Variants in TMEM131 observed in about 807,000 individuals in gnomAD.
TMEM131 encodes the protein transmembrane protein 131.
In TMEM131, 66 loss-of-function variants were observed where a neutral mutation model predicts 211.6. The observed-to-expected ratio is 0.31, with a 90% CI of 0.26 to 0.38. The LOEUF is 0.38. Ranked by LOEUF, TMEM131 falls within the 10% of genes least tolerant of loss-of-function variation. TMEM131 has a pLI of 1.00. For synonymous variants in TMEM131, 844 were observed against 841.3 expected (o/e 1.00, Z -0.06); for missense variants, 2,036 against 2,299.3 (o/e 0.89, Z 2.34).
intron 31 of TMEM131, among the ~76,000 whole-genome samples, chr2:97,780,739 T>A (rs1679955224): frequency 6.6e-6 from 1 of 152,056 alleles, no homozygotes; most frequent in Non-Finnish European, 1.5e-5. Flanking sequence ...CAATGAACAG[T>A]GGGGAAGGCA....
chr2:97,839,692 T>C (rs1683104482), intron 7 of TMEM131, among the ~76,000 whole-genome samples: 1 of 152,248 alleles, frequency 6.6e-6, no homozygotes, highest in African/African-American at 2.4e-5. Flanking sequence ...GAGGAAGGGC[T>C]TGGACTGCAA....
At position 97,844,236 on chromosome 2, in the gene TMEM131, G is replaced by T; in HGVS notation, c.509C>A (p.Ser170Ter). 7.6e-7 allele frequency: 1 copy of T among 1,319,298 alleles called. No individual in the cohort carries two copies. The highest frequency in any genetic ancestry group is 1.9e-5 in the South Asian group (1 of 51,282). 81.7% of individuals were successfully genotyped at this position (1,319,298 alleles called of 1,614,324 possible). The change falls in exon 6 of 41, where the codon TCA (serine) becomes TAA (stop). Residue 170 changes from serine to a stop codon, truncating the protein, a stop_gained. Coordinates refer to ENST00000186436, the MANE Select transcript of TMEM131 (RefSeq NM_015348.2). LOFTEE classifies it high-confidence loss of function. ...NRKILPGGNT[S>*]FDVVFLARVV... is the part of the protein sequence containing the mutation. Reference sequence around the variant, plus strand: ...TCTTGCAAGAAAAACTACATCAAATGATGTATTTCCTCCTGGAAGAATTTT... The same window carrying T: ...TCTTGCAAGAAAAACTACATCAAATTATGTATTTCCTCCTGGAAGAATTTT...
intron 33 of TMEM131, 35 bp downstream of exon 33, chr2:97,772,262 T>C (rs770691891): frequency 2.5e-6 from 4 of 1,579,988 alleles, no homozygotes; most frequent in Non-Finnish European, 2.6e-6. Flanking sequence ...AACTTCTTTA[T>C]AGACCTTATT....
At chr2:97,921,696 C>T (rs966227746) in intron 2 of TMEM131, among the ~76,000 whole-genome samples, 14 of 152,060 alleles carry the variant, frequency 9.2e-5, no homozygotes, top group African/African-American at 3.4e-4. Flanking sequence ...TAAAGAACCT[C>T]TACAAAACAA....
intron 1 of TMEM131, among the ~76,000 whole-genome samples, chr2:97,951,779 T>A (rs1299729562): frequency 1.3e-5 from 2 of 152,108 alleles, no homozygotes; most frequent in East Asian, 1.9e-4. Flanking sequence ...AGTCCTAACG[T>A]CCCCTAGCCA....
chr2:97,804,603 C>A (rs1158867225), intron 22 of TMEM131, among the ~76,000 whole-genome samples: 1 of 122,342 alleles, frequency 8.2e-6, no homozygotes, highest in African/African-American at 3.2e-5. Context: ...AGCTTGGTGA[C>A]AGAGTGAGAC....
At chr2:97,851,911 A>T (rs1673640804) in intron 5 of TMEM131, among the ~76,000 whole-genome samples, 1 of 152,194 alleles carries the variant, frequency 6.6e-6, no homozygotes, top group Non-Finnish European at 1.5e-5. Flanking sequence ...AGGGTTGCAC[A>T]TCTCTCACTT....
Position 97,943,037 on chromosome 2 carries a change from AAAAGAAAGAAAGAAAGAAAG to A in TMEM131, c.188-15570_188-15551del, listed in dbSNP as rs71394401. 2.3e-3 allele frequency among the ~76,000 whole-genome samples: 155 copies of A among 65,992 alleles called. 1 individual carries two copies. Among genetic ancestry groups the A allele is most frequent in the Admixed American group, 0.012 (91 of 7,522 alleles). 43.3% of individuals were successfully genotyped at this position (65,992 alleles called of 152,430 possible). ...AAAAGAAAAGAAAAGAAAAGAAAAG[AAAAGAAAGAAAGAAAGAAAG>A]AAAGAAAGAAAGAAAGAAAGAAAGA... On this transcript the variant is annotated intron_variant, in intron 1 of 40. Coordinates refer to ENST00000186436, the MANE Select transcript of TMEM131 (RefSeq NM_015348.2).
At position 97,812,406 on chromosome 2, in the gene TMEM131, A is replaced by G. The variant is rs1681588445; in HGVS notation, c.1863+15T>C. The G allele has an allele frequency of 6.3e-7, 1 of 1,594,496 alleles. No homozygotes were observed. Among genetic ancestry groups the G allele is most frequent in the South Asian group, 1.2e-5 (1 of 86,906 alleles). On this transcript the variant is annotated intron_variant, in intron 17 of 40. Coordinates refer to ENST00000186436, the MANE Select transcript of TMEM131 (RefSeq NM_015348.2). ...ATCCATCTTACTTTAAGGAGACAAT[A>G]GAAAGTTTACTTACCGATGATTGAT...
At position 97,757,445 on chromosome 2, in the gene TMEM131, G is replaced by C. The variant is rs183806638; in HGVS notation, c.5368-62C>G. The stretch of plus-strand genomic sequence containing the variant: ...GCAGGCAGAGGGTCAAGTGGGTAAG[G>C]GGGTAAGGCTACAGAAAAGATGAGG... On this transcript the variant is annotated intron_variant, in intron 40 of 40. Transcript: ENST00000186436. The C allele has an allele frequency of 5.2e-3, 7,868 of 1,508,536 alleles. 28 individuals are homozygous for C. Among genetic ancestry groups the C allele is most frequent in the Middle Eastern group, 0.017 (72 of 4,298 alleles). The allele number at this position is 1,508,536 out of a possible 1,614,324, so 93.4% of individuals were successfully genotyped here.
rs1423770537 is a variant in TMEM131, at chr2:97,805,678, T to C, written c.2081A>G (p.Asn694Ser). ...FPGKIVHQSL[N>S]IMNSFSQKVK... The stretch of plus-strand genomic sequence containing the variant: ...CTTCTGTGAGAAGGAATTCATAATA[T>C]TTAAACTTTGATGAACTATTTTCCC... The change falls in exon 20 of 41, where the codon AAT becomes AGT. Residue 694 changes from asparagine to serine, a missense_variant. Transcript: ENST00000186436. The C allele has an allele frequency of 4.8e-5, 77 of 1,600,536 alleles. 1 individual carries two copies. The Admixed American group carries it at 1.2e-3, about 25-fold the overall frequency.
rs185796694 is a variant in TMEM131 at position 97,903,311 on chromosome 2, T to C, written c.290+5347A>G. 1.7e-4 allele frequency among the ~76,000 whole-genome samples: 26 copies of C among 152,198 alleles called. No homozygotes were observed. The East Asian group carries it at 3.5e-3, about 20-fold the overall frequency. On this transcript the variant is annotated intron_variant, in intron 3 of 40. Coordinates refer to ENST00000186436, the MANE Select transcript of TMEM131 (RefSeq NM_015348.2). ...GATTTTTTTATGACAGCGCAAATGA[T>C]GGTGAAATACCTGGATAAAAATGAA...
rs1167798266 is a variant in TMEM131 at position 97,766,250 on chromosome 2, T to C, written c.4587A>G (p.Leu1529=). ...NAQKTKGTSK[L]VDNRPPALAK... ...CTAGGGCAGGTGGTCTGTTATCCAC[T>C]AACTTACTTGTACCTGCACAAAAAT... is the stretch of plus-strand genomic sequence containing the variant. Residue 1529 remains leucine, a synonymous_variant, in exon 35 of 41, where the codon TTA becomes TTG. Coordinates refer to ENST00000186436, the MANE Select transcript of TMEM131 (RefSeq NM_015348.2). 5.0e-6 allele frequency: 8 copies of C among 1,613,944 alleles called. No homozygotes were observed. The highest frequency in any genetic ancestry group is 3.3e-5 in the Admixed American group (2 of 60,004).
chr2:97,833,411 A>G lies in TMEM131; in HGVS notation c.1028T>C (p.Leu343Ser). 7.4e-7 allele frequency: 1 copy of G among 1,353,034 alleles called. No homozygotes were observed. Among genetic ancestry groups the G allele is most frequent in the Non-Finnish European group, 1.0e-6 (1 of 975,604 alleles). 83.8% of individuals were successfully genotyped at this position (1,353,034 alleles called of 1,614,324 possible). A position where few individuals can be genotyped will look rare whatever the true frequency, so the allele number is the denominator to read the frequency against. Residue 343 changes from leucine (L) to serine (S), a missense_variant, in exon 11 of 41, where the codon TTA becomes TCA. By Grantham distance (145) the Leu-to-Ser change is moderately radical. Coordinates refer to ENST00000186436, the MANE Select transcript of TMEM131 (RefSeq NM_015348.2). ...TCCTGAATTTAATAAATGAAGGTTTAAAACTTTTGGTAGATCTGTTAAAAT... is the reference window on the plus strand; with the variant it reads ...TCCTGAATTTAATAAATGAAGGTTTGAAACTTTTGGTAGATCTGTTAAAAT... ...TLRTQDLPKV[L>S]NLHLLNSGTK... is the part of the protein sequence containing the mutation.
At chr2:97,881,829 T>C (rs558903898) in intron 4 of TMEM131, among the ~76,000 whole-genome samples, 4 of 152,018 alleles carry the variant, frequency 2.6e-5, no homozygotes, top group South Asian at 2.1e-4. Context: ...ATAACATTCA[T>C]GTTAAAAAGA....
At position 97,994,994 on chromosome 2, in the gene TMEM131, G is replaced by A. The variant is rs144160087; in HGVS notation, c.187+482C>T. 3.4e-3 allele frequency among the ~76,000 whole-genome samples: 512 copies of A among 152,312 alleles called. 2 individuals carry two copies. Among genetic ancestry groups the A allele is most frequent in the African/African-American group, 0.011 (478 of 41,570 alleles). On this transcript the variant is annotated intron_variant, in intron 1 of 40. Coordinates refer to ENST00000186436, the MANE Select transcript of TMEM131 (RefSeq NM_015348.2). ...ATAATAAAGTTATCAATAACGCAGA[G>A]ACACTAAAGGAGGAAGCTACAGGAC...
chr2:97,805,080 C>T lies in TMEM131; in HGVS notation c.2402+8G>A. 2 of 1,576,422 alleles carry T rather than the reference C, an allele frequency of 1.3e-6. No individual in the cohort carries two copies. Among genetic ancestry groups the T allele is most frequent in the Non-Finnish European group, 1.7e-6 (2 of 1,156,808 alleles). ...GATGGCTAAAATAAATAAACATAAA[C>T]CACTCACCTATGACCTGAATTTTCC... is the stretch of plus-strand genomic sequence containing the variant. On this transcript the variant is annotated splice_region_variant and intron_variant, in intron 22 of 40. Transcript: ENST00000186436.
chr2:97,889,546 TATATA>T lies in TMEM131; in HGVS notation c.291-1431_291-1427del, dbSNP rs1675293749. ...GGCATAACTGTATGTCATTAATTCCTATATAATATTATATTCCTATATATAATATA... is the reference window on the plus strand; with the variant it reads ...GGCATAACTGTATGTCATTAATTCCTATATTATATTCCTATATATAATATA... On this transcript the variant is annotated intron_variant, in intron 3 of 40. Coordinates refer to ENST00000186436, the MANE Select transcript of TMEM131 (RefSeq NM_015348.2). 2.3e-5 allele frequency among the ~76,000 whole-genome samples: 3 copies of T among 132,116 alleles called. 1 individual carries two copies. Among genetic ancestry groups the T allele is most frequent in the Admixed American group, 2.2e-4 (3 of 13,710 alleles). The allele number at this position is 132,116 out of a possible 152,430, so 86.7% of individuals were successfully genotyped here. A position where few individuals can be genotyped will look rare whatever the true frequency, so the allele number is the denominator to read the frequency against.
At position 97,949,947 on chromosome 2, in the gene TMEM131, G is replaced by T. The variant is rs189490759; in HGVS notation, c.188-22460C>A. Among the ~76,000 whole-genome samples, 3 of 151,942 alleles carry T rather than the reference G, an allele frequency of 2.0e-5. No individual in the cohort carries two copies. The East Asian group carries it at 5.8e-4, about 29-fold the overall frequency. ...ATCATCTCACATCAACTACATGAAG[G>T]CCTTACTCCAAAATTGCAACCATTT... On this transcript the variant is annotated intron_variant, in intron 1 of 40. Coordinates refer to ENST00000186436, the MANE Select transcript of TMEM131 (RefSeq NM_015348.2).
Sources: gnomAD v4.1 joint callset for allele counts (sites outside exome capture counted in the v4.1 genomes callset) on GRCh38, gnomAD v4.1.1 for gene constraint, MANE v1.5 for transcripts, NCBI Gene and HGNC (gene_info 2026-07-23, HGNC 2026-07-21) for gene names.